Variants in SKAP2 observed in about 807,000 individuals in gnomAD.
SKAP2 encodes src kinase-associated phosphoprotein 2.
In SKAP2, 28 loss-of-function variants were observed where a neutral mutation model predicts 54.9. That is an observed-to-expected ratio of 0.51 (90% CI 0.38 to 0.70). The LOEUF is 0.70. Ranked by LOEUF, SKAP2 falls within the 30% of genes least tolerant of loss-of-function variation. The pLI is 0.00. For missense variants in SKAP2, 356 were observed against 424.1 expected (o/e 0.84, Z 1.41); for synonymous variants, 137 against 134.3 (o/e 1.02, Z -0.14).
At chr7:26,859,699 T>C (rs1327104585) in intron 1 of SKAP2, among the ~76,000 whole-genome samples, 7 of 152,158 alleles carry the variant, frequency 4.6e-5, no homozygotes, top group African/African-American at 1.2e-4. Flanking sequence ...TCTTGATAAA[T>C]AGCACCTTAC....
intron 4 of SKAP2, among the ~76,000 whole-genome samples, chr7:26,756,186 T>C (rs1248166476): frequency 6.6e-6 from 1 of 152,212 alleles, no homozygotes; most frequent in East Asian, 1.9e-4. Flanking sequence ...TTTTGTTAAT[T>C]TTTTTTATTA....
chr7:26,855,159 GA>G (rs1162270805), intron 1 of SKAP2: 1 of 215,432 alleles, frequency 4.6e-6, no homozygotes, highest in African/African-American at 2.3e-5. Flanking sequence ...ATTAAACAAG[GA>G]AGAAGCACAC....
At chr7:26,790,389 A>T (rs1341682798) in intron 4 of SKAP2, among the ~76,000 whole-genome samples, 2 of 152,178 alleles carry the variant, frequency 1.3e-5, no homozygotes, top group African/African-American at 4.8e-5. Context: ...AAATCATCTA[A>T]ATTAGTAAGG....
intron 9 of SKAP2, among the ~76,000 whole-genome samples, chr7:26,714,757 T>C (rs1188333767): frequency 1.3e-5 from 2 of 152,248 alleles, no homozygotes; most frequent in Non-Finnish European, 2.9e-5. Flanking sequence ...TATGTGTACA[T>C]ATGTGTGTAT....
chr7:26,728,287 T>G (rs935082290), intron 6 of SKAP2, among the ~76,000 whole-genome samples: 2 of 152,172 alleles, frequency 1.3e-5, no homozygotes, highest in African/African-American at 4.8e-5. Flanking sequence ...ATCAAATCAA[T>G]TTGGGAAACG....
chr7:26,674,536 A>T (rs912939339), intron 11 of SKAP2, among the ~76,000 whole-genome samples: 2 of 152,168 alleles, frequency 1.3e-5, no homozygotes, highest in African/African-American at 4.8e-5. Context: ...ATTACTATCT[A>T]TACATTAACT....
intron 4 of SKAP2, among the ~76,000 whole-genome samples, chr7:26,778,787 TATAC>T (rs767808400): frequency 8.5e-5 from 13 of 152,084 alleles, no homozygotes; most frequent in Non-Finnish European, 1.8e-4. Flanking sequence ...ATACATATTG[TATAC>T]ATGTATATAA....
chr7:26,702,492 T>C (rs1227977830), intron 9 of SKAP2, among the ~76,000 whole-genome samples: 1 of 152,138 alleles, frequency 6.6e-6, no homozygotes, highest in Non-Finnish European at 1.5e-5. Flanking sequence ...ATAATGATTG[T>C]TTATTGCTCT....
intron 4 of SKAP2, among the ~76,000 whole-genome samples, chr7:26,780,558 C>A (rs940490519): frequency 6.6e-6 from 1 of 152,022 alleles, no homozygotes; most frequent in African/African-American, 2.4e-5. Context: ...AACTTATGGG[C>A]ACTGAAATTT....
intron 11 of SKAP2, among the ~76,000 whole-genome samples, chr7:26,677,161 C>T (rs543075349): frequency 1.3e-5 from 2 of 152,152 alleles, no homozygotes; most frequent in East Asian, 1.9e-4. Flanking sequence ...GAGGCCGAGG[C>T]GGGAGGATCA....
intron 10 of SKAP2, 95 bp downstream of exon 10, chr7:26,690,190 G>A: frequency 1.1e-6 from 1 of 892,858 alleles, no homozygotes; most frequent in Non-Finnish European, 1.8e-6. Flanking sequence ...ACTTTGGGGA[G>A]CTGTGTAAAC....
chr7:26,823,789 T>G (rs896825777), intron 4 of SKAP2, among the ~76,000 whole-genome samples: 2 of 152,196 alleles, frequency 1.3e-5, no homozygotes, highest in African/African-American at 2.4e-5. Flanking sequence ...GCAAGAGACC[T>G]ACAATTAGAA....
At chr7:26,799,087 G>GGGCAGGGCAA (rs1783849231) in intron 4 of SKAP2, among the ~76,000 whole-genome samples, 1 of 148,332 alleles carries the variant, frequency 6.7e-6, no homozygotes, top group African/African-American at 2.5e-5. Context: ...AGGCAAGGCA[G>GGGCAGGGCAA]GGCAGGGCAA....
At chr7:26,841,145 T>C (rs1333826213) in intron 4 of SKAP2, among the ~76,000 whole-genome samples, 1 of 152,066 alleles carries the variant, frequency 6.6e-6, no homozygotes, top group Admixed American at 6.6e-5. Context: ...GACATGACTA[T>C]AGAATCTCCA....
intron 11 of SKAP2, among the ~76,000 whole-genome samples, chr7:26,677,317 G>A (rs999554592): frequency 6.6e-6 from 1 of 151,396 alleles, no homozygotes; most frequent in Non-Finnish European, 1.5e-5. Flanking sequence ...GCTTGAACCC[G>A]GGAGGCAGAG....
intron 1 of SKAP2, among the ~76,000 whole-genome samples, chr7:26,860,834 T>C (rs2127999734): frequency 8.3e-3 from 1 of 120 alleles, no homozygotes; most frequent in African/African-American, 0.033. Context: ...GTGAAAAAAA[T>C]ATTCACACAT....
intron 3 of SKAP2, among the ~76,000 whole-genome samples, chr7:26,849,799 T>A (rs1785002180): frequency 7.2e-6 from 1 of 138,944 alleles, no homozygotes; most frequent in South Asian, 2.6e-4. Context: ...TAATTGATCA[T>A]TTTCCCCCAA....
intron 4 of SKAP2, among the ~76,000 whole-genome samples, chr7:26,808,679 G>C (rs1160068958): frequency 6.6e-6 from 1 of 151,934 alleles, no homozygotes; most frequent in African/African-American, 2.4e-5. Context: ...CTTGGAATAA[G>C]ATGGCTTGGG....
At chr7:26,853,698 T>C (rs3823928) in intron 3 of SKAP2, among the ~76,000 whole-genome samples, 32,430 of 152,118 alleles carry the variant, frequency 0.21, 3,556 homozygotes, top group Non-Finnish European at 0.24. Flanking sequence ...GTTTTCAAAA[T>C]ATCCTTCAAA....
Sources: allele counts gnomAD v4.1 joint callset (sites outside exome capture counted in the v4.1 genomes callset), GRCh38; gene constraint gnomAD v4.1.1; transcripts MANE v1.5; gene names NCBI Gene and HGNC (gene_info 2026-07-23, HGNC 2026-07-21).